The following BTBD7 variants were observed in gnomAD, a reference collection of about 807,000 sequenced individuals.
BTBD7 encodes BTB domain containing 7, also known as BTB/POZ domain-containing protein 7.
In BTBD7, 38 loss-of-function variants were observed where a neutral mutation model predicts 99.9. The ratio of observed to expected loss-of-function variants is 0.38; its 90% confidence interval spans 0.29 to 0.50. The LOEUF (loss-of-function observed/expected upper bound fraction) is 0.50, where lower values mean the gene tolerates loss of function less well. BTBD7 is among the 20% of genes least tolerant of loss of function. The pLI is 0.93. For synonymous variants in BTBD7, 520 were observed against 511.4 expected, an observed-to-expected ratio of 1.02 and a Z score of -0.23; for missense variants, 1,170 against 1,394.6, an observed-to-expected ratio of 0.84 and a Z score of 2.57.
chr14:93,282,554 A>G (rs2052733090), intron 3 of BTBD7, among the ~76,000 whole-genome samples: 1 of 152,054 alleles, frequency 6.6e-6, no homozygotes, highest in Admixed American at 6.6e-5. Context: ...GCTGGTCTTG[A>G]ACTCCTGACT....
chr14:93,297,675 ATCT>A (rs1566855660), intron 1 of BTBD7, among the ~76,000 whole-genome samples: 1 of 152,206 alleles, frequency 6.6e-6, no homozygotes, highest in Non-Finnish European at 1.5e-5. Flanking sequence ...GCTCCACAGA[ATCT>A]TCAAGATCTT....
intron 3 of BTBD7, among the ~76,000 whole-genome samples, chr14:93,267,903 G>A (rs1214699799): frequency 6.6e-6 from 1 of 152,050 alleles, no homozygotes; most frequent in African/African-American, 2.4e-5. Context: ...TTTCTAATCT[G>A]CTCTCTGTAC....
intron 5 of BTBD7, among the ~76,000 whole-genome samples, chr14:93,259,139 G>A (rs2052462048): frequency 6.6e-6 from 1 of 152,160 alleles, no homozygotes; most frequent in African/African-American, 2.4e-5. Flanking sequence ...GTGAACCTCT[G>A]GGTACAACAT....
intron 5 of BTBD7, among the ~76,000 whole-genome samples, chr14:93,260,646 C>T (rs1484877535): frequency 6.6e-6 from 1 of 152,160 alleles, no homozygotes; most frequent in East Asian, 1.9e-4. Flanking sequence ...CTCTGCCTCC[C>T]GGGTTCAAGT....
chr14:93,271,674 C>A (rs1368096936), intron 3 of BTBD7, among the ~76,000 whole-genome samples: 1 of 152,162 alleles, frequency 6.6e-6, no homozygotes, highest in African/African-American at 2.4e-5. Flanking sequence ...GCAGCTGCAT[C>A]ACTAATTCTT....
chr14:93,271,860 G>A (rs1007130860), intron 3 of BTBD7, among the ~76,000 whole-genome samples: 1 of 151,898 alleles, frequency 6.6e-6, no homozygotes, highest in Non-Finnish European at 1.5e-5. Context: ...ACAAAAATTA[G>A]GTGGGTATAA....
chr14:93,296,019 T>A lies in BTBD7; in HGVS notation c.33A>T (p.Ser11=). The A allele has an allele frequency of 1.2e-6, 2 of 1,614,102 alleles. No homozygotes were observed. Among genetic ancestry groups the A allele is most frequent in the Non-Finnish European group, 1.7e-6 (2 of 1,179,984 alleles). MGANASNYPH[S]CSPRVGGNSQ... is the part of the protein sequence containing the mutation. The stretch of plus-strand genomic sequence containing the variant: ...AATTTCCCCCTACCCTCGGGGAACA[T>A]GAATGAGGATAATTAGATGCATTAG... Residue 11 remains serine, a synonymous_variant, in exon 2 of 11, where the codon TCA becomes TCT. Coordinates refer to ENST00000334746, the MANE Select transcript of BTBD7 (RefSeq NM_001002860.4).
chr14:93,290,080 T>C (rs1024103448), intron 3 of BTBD7, among the ~76,000 whole-genome samples: 1 of 152,236 alleles, frequency 6.6e-6, no homozygotes, highest in African/African-American at 2.4e-5. Context: ...CTCGAACTCC[T>C]GACTTCAGGT....
At chr14:93,309,775 G>C (rs570733355) in intron 1 of BTBD7, among the ~76,000 whole-genome samples, 1 of 152,286 alleles carries the variant, frequency 6.6e-6, no homozygotes, top group African/African-American at 2.4e-5. Flanking sequence ...TTCAAACACA[G>C]AGGACAATTA....
Position 93,253,639 on chromosome 14 carries a change from T to C in BTBD7, c.1752+8A>G, listed in dbSNP as rs746933188. The C allele has an allele frequency of 6.2e-7, 1 of 1,608,912 alleles. No individual in the cohort carries two copies. The highest frequency in any genetic ancestry group is 8.5e-7 in the Non-Finnish European group (1 of 1,176,352). On this transcript the variant is annotated splice_region_variant and intron_variant, in intron 7 of 10. Transcript: ENST00000334746. ...AGTAGTCTACTATCTTCAAATGGTT[T>C]TCATTACCTTTGCTTCTTCCACATA...
rs1243754855 is a variant in BTBD7 at position 93,295,998 on chromosome 14, T to C, written c.54A>G (p.Gly18=). The part of the protein sequence containing the change: ...YPHSCSPRVG[G]NSQAQQTFIG... ...TAAAAGTCTGTTGGGCCTGTGAATT[T>C]CCCCCTACCCTCGGGGAACATGAAT... The change falls in exon 2 of 11, where the codon GGA becomes GGG. Residue 18 remains glycine, a synonymous_variant. Transcript: ENST00000334746. The C allele has an allele frequency of 5.6e-6, 9 of 1,613,924 alleles. No individual in the cohort carries two copies. The highest frequency in any genetic ancestry group is 7.6e-6 in the Non-Finnish European group (9 of 1,179,990).
chr14:93,264,958 G>A (rs1303873163), intron 3 of BTBD7, among the ~76,000 whole-genome samples: 1 of 152,036 alleles, frequency 6.6e-6, no homozygotes, highest in African/African-American at 2.4e-5. Context: ...AAATTAGCTG[G>A]GCGTCCTGTA....
intron 2 of BTBD7, among the ~76,000 whole-genome samples, chr14:93,295,279 T>TA (rs1384463001): frequency 6.6e-6 from 1 of 152,050 alleles, no homozygotes; most frequent in Admixed American, 6.6e-5. Flanking sequence ...CCTGGCTAAT[T>TA]AAAAAAATTT....
chr14:93,281,819 T>G (rs1178724661), intron 3 of BTBD7, among the ~76,000 whole-genome samples: 2 of 152,250 alleles, frequency 1.3e-5, no homozygotes, highest in African/African-American at 2.4e-5. Flanking sequence ...GATATGTTTC[T>G]GTATCATTTC....
At chr14:93,256,996 T>A (rs780583269) in intron 6 of BTBD7, 199 bp downstream of exon 6, 112 of 545,134 alleles carry the variant, frequency 2.1e-4, no homozygotes, top group Non-Finnish European at 3.1e-4. Context: ...CACTCAACTC[T>A]CATTCACTGA....
Position 93,251,567 on chromosome 14 carries a change from T to A in BTBD7, c.1838A>T (p.Tyr613Phe). 1 of 1,614,098 alleles carries A rather than the reference T, an allele frequency of 6.2e-7. No homozygotes were observed. The highest frequency in any genetic ancestry group is 8.5e-7 in the Non-Finnish European group (1 of 1,179,952). The change falls in exon 8 of 11, where the codon TAC becomes TTC. Residue 613 changes from tyrosine to phenylalanine, a missense_variant. By Grantham distance (22) the Tyr-to-Phe change is conservative. Around this residue, in one of 4 missense-constraint regions of BTBD7, gnomAD observed 309 missense variants for 342.0 expected, o/e 0.90. Transcript: ENST00000334746. ...VRMSNVPDTL[Y>F]MVNNAVPQCC... is the part of the protein sequence containing the mutation. The stretch of plus-strand genomic sequence containing the variant: ...CTGTGGCACGGCATTATTGACCATG[T>A]AGAGCGTGTCTGGCACATTGGACAT...
chr14:93,326,101 C>T (rs895750236), intron 1 of BTBD7, among the ~76,000 whole-genome samples: 7 of 152,126 alleles, frequency 4.6e-5, no homozygotes, highest in African/African-American at 1.7e-4. Flanking sequence ...TGAACTTGTT[C>T]TGCAAATAAG....
chr14:93,324,316 A>G (rs1400022458), intron 1 of BTBD7, among the ~76,000 whole-genome samples: 1 of 152,014 alleles, frequency 6.6e-6, no homozygotes, highest in Non-Finnish European at 1.5e-5. Context: ...GCTACTTCTC[A>G]GAAGCCTGAA....
intron 3 of BTBD7, among the ~76,000 whole-genome samples, chr14:93,273,492 A>G (rs2052621370): frequency 6.6e-6 from 1 of 152,224 alleles, no homozygotes; most frequent in African/African-American, 2.4e-5. Flanking sequence ...ACTACAAAGG[A>G]GATATGAAAG....
Sources: gnomAD v4.1 joint callset for allele counts (sites outside exome capture counted in the v4.1 genomes callset) on GRCh38, gnomAD v4.1.1 for gene constraint, gnomAD v4.1.1 regional missense constraint, MANE v1.5 for transcripts, NCBI Gene and HGNC (gene_info 2026-07-23, HGNC 2026-07-21) for gene names.